Variants in HECTD4 observed in about 807,000 individuals in gnomAD.
HECTD4 encodes HECT domain E3 ubiquitin protein ligase 4, also known as probable E3 ubiquitin-protein ligase HECTD4.
In HECTD4, 114 loss-of-function variants were observed where a neutral mutation model predicts 471.5. That is an observed-to-expected ratio of 0.24 (90% CI 0.21 to 0.28). The LOEUF (loss-of-function observed/expected upper bound fraction) is 0.28, where lower values mean the gene tolerates loss of function less well. HECTD4 is among the 10% of genes least tolerant of loss of function. The probability of loss-of-function intolerance (pLI) is 1.00; values close to 1 mark genes in which losing one functional copy is unlikely to be tolerated. For missense variants in HECTD4, 3,866 were observed against 5,651.5 expected, an observed-to-expected ratio of 0.68 and a Z score of 10.13; for synonymous variants, 2,012 against 2,256.0, an observed-to-expected ratio of 0.89 and a Z score of 3.07.
chr12:112,307,720 CAA>C (rs2035293454), intron 6 of HECTD4, among the ~76,000 whole-genome samples: 1 of 152,300 alleles, frequency 6.6e-6, no homozygotes, highest in South Asian at 2.1e-4. Flanking sequence ...GAGTGACAAA[CAA>C]GAAGAAATGT....
chr12:112,208,747 T>G (rs1200535004), intron 50 of HECTD4, 117 bp from the exon 51 acceptor site: 3 of 765,556 alleles, frequency 3.9e-6, no homozygotes, highest in Admixed American at 3.6e-5. Flanking sequence ...AGACTCCTAG[T>G]ACACTGAGGA....
Position 112,162,651 on chromosome 12 carries a change from G to A in HECTD4, c.13121-128C>T. ...CCCAAGCCAATCCTGGGGCCCAGCA[G>A]GAGGGGGATGAGGGCCTGGGAACCT... On this transcript the variant is annotated intron_variant, in intron 75 of 75. Coordinates refer to ENST00000682272, the MANE Select transcript of HECTD4 (RefSeq NM_001388303.1). The surrounding 1 kb of genome is among the most constrained non-coding windows in gnomAD (Gnocchi z 5.2). 8.9e-7 allele frequency: 1 copy of A among 1,118,316 alleles called. No homozygotes were observed. The highest frequency in any genetic ancestry group is 1.3e-6 in the Non-Finnish European group (1 of 779,462). The allele number at this position is 1,118,316 out of a possible 1,614,324, so 69.3% of individuals were successfully genotyped here. A position where few individuals can be genotyped will look rare whatever the true frequency, so the allele number is the denominator to read the frequency against.
At chr12:112,339,324 TCA>T (rs1429046736) in intron 1 of HECTD4, among the ~76,000 whole-genome samples, 1 of 150,728 alleles carries the variant, frequency 6.6e-6, no homozygotes, top group Non-Finnish European at 1.5e-5. Flanking sequence ...AAAATGCAAG[TCA>T]CAAAAAAATA....
At chr12:112,226,232 C>T (rs1188282970) in intron 44 of HECTD4, among the ~76,000 whole-genome samples, 1 of 152,018 alleles carries the variant, frequency 6.6e-6, no homozygotes, top group Non-Finnish European at 1.5e-5. Context: ...CACACACACA[C>T]TCACACACAC....
At chr12:112,342,412 G>A (rs987932146) in intron 1 of HECTD4, among the ~76,000 whole-genome samples, 18 of 152,224 alleles carry the variant, frequency 1.2e-4, no homozygotes, top group African/African-American at 3.6e-4. Context: ...AGCAATGACC[G>A]TACCACTGCA....
In HECTD4 at chr12:112,259,213, G is replaced by A; in HGVS notation, c.2926C>T (p.Pro976Ser). 1.2e-6 allele frequency: 2 copies of A among 1,613,936 alleles called. No homozygotes were observed. The highest frequency in any genetic ancestry group is 1.7e-6 in the Non-Finnish European group (2 of 1,179,868). ...TKATMLGHLL[P>S]VLLTSLMHPN... ...TGCATCAAGGAGGTCAGTAACACTG[G>A]AAGAAGGTGACCAAGCATAGTAGCC... The change falls in exon 19 of 76, where the codon CCA (proline) becomes TCA (serine). Residue 976 changes from proline (P) to serine (S), a missense_variant. This residue lies in a region of HECTD4 where 525 missense variants were observed against 672.6 expected (regional missense o/e 0.78). Transcript: ENST00000682272.
rs2033913924 is a variant in HECTD4, at chr12:112,252,448, G to A, written c.3528C>T (p.Gly1176=). 1.2e-6 allele frequency: 2 copies of A among 1,609,408 alleles called. No individual in the cohort carries two copies. Among genetic ancestry groups the A allele is most frequent in the Non-Finnish European group, 1.7e-6 (2 of 1,178,416 alleles). ...EHNTPDKAMW[G]FACTVRAQES... ...CCTGAGCGCGAACTGTGCAAGCAAA[G>A]CCCCACATGGCTTTATCAGGAGTGT... Residue 1176 remains glycine, a synonymous_variant, in exon 23 of 76, where the codon GGC becomes GGT. Transcript: ENST00000682272.
At chr12:112,341,769 T>C (rs1047847758) in intron 1 of HECTD4, among the ~76,000 whole-genome samples, 5 of 152,130 alleles carry the variant, frequency 3.3e-5, no homozygotes, top group African/African-American at 1.2e-4. Flanking sequence ...AATCTAAGGA[T>C]AAACCACTAA....
intron 62 of HECTD4, among the ~76,000 whole-genome samples, chr12:112,180,802 G>A (rs990457801): frequency 4.6e-5 from 7 of 152,130 alleles, no homozygotes; most frequent in Non-Finnish European, 1.0e-4. Flanking sequence ...GGGGCAAAAC[G>A]CACGCCAATG....
At position 112,194,852 on chromosome 12, in the gene HECTD4, T is replaced by C. The variant is rs762402246; in HGVS notation, c.8749+33A>G. 9 of 1,582,264 alleles carry C rather than the reference T, an allele frequency of 5.7e-6. No individual in the cohort carries two copies. In the South Asian group the frequency reaches 1.0e-4, roughly 18 times the overall value. ...TGCACAGCGCCCGCCTGGTGCTAAG[T>C]TCCAGAGTGACAGCAGCAAAGCCAA... is the stretch of plus-strand genomic sequence containing the variant. On this transcript the variant is annotated intron_variant, in intron 56 of 75. Transcript: ENST00000682272. This position sits in a 1 kb window ranked among gnomAD's most constrained non-coding sequence, Gnocchi z 4.6.
chr12:112,378,985 T>C (rs1216422323), intron 1 of HECTD4, among the ~76,000 whole-genome samples: 3 of 151,748 alleles, frequency 2.0e-5, no homozygotes, highest in Non-Finnish European at 2.9e-5. Flanking sequence ...GAGCTTGCAG[T>C]GAGCTGAGAT....
At chr12:112,360,878 G>A (rs1202211691) in intron 1 of HECTD4, among the ~76,000 whole-genome samples, 1 of 151,902 alleles carries the variant, frequency 6.6e-6, no homozygotes, top group East Asian at 1.9e-4. Flanking sequence ...CAGTTACTTG[G>A]GAGGCTGAGG....
At chr12:112,272,639 C>G (rs936277289) in intron 11 of HECTD4, among the ~76,000 whole-genome samples, 1 of 152,152 alleles carries the variant, frequency 6.6e-6, no homozygotes, top group African/African-American at 2.4e-5. Flanking sequence ...CTGTCTTAGG[C>G]CTCTTCTGTG....
chr12:112,296,808 G>C (rs2035033981), intron 7 of HECTD4, among the ~76,000 whole-genome samples: 1 of 151,484 alleles, frequency 6.6e-6, no homozygotes. Flanking sequence ...AGAGGGTGTA[G>C]GTGCAGTGGA....
At position 112,162,941 on chromosome 12, in the gene HECTD4, T is replaced by C. The variant is rs2030748531; in HGVS notation, c.13120+101A>G. The C allele has an allele frequency of 8.3e-6, 8 of 968,786 alleles. No individual in the cohort carries two copies. The highest frequency in any genetic ancestry group is 1.1e-5 in the Non-Finnish European group (7 of 635,438). 60.0% of individuals were successfully genotyped at this position (968,786 alleles called of 1,614,324 possible). ...TCTGAGTTTTGGCACGTGGGGCTCC[T>C]GTTCATTGTTCTCCCTTCACATGGG... On this transcript the variant is annotated intron_variant, in intron 75 of 75. Transcript: ENST00000682272. The surrounding 1 kb of genome is among the most constrained non-coding windows in gnomAD (Gnocchi z 5.2).
chr12:112,300,407 T>C (rs557344212), intron 7 of HECTD4, among the ~76,000 whole-genome samples: 2 of 152,332 alleles, frequency 1.3e-5, no homozygotes, highest in East Asian at 1.9e-4. Context: ...AGGAATGCTA[T>C]TGGATAGCCT....
chr12:112,288,040 A>T (rs1010021163), intron 7 of HECTD4, among the ~76,000 whole-genome samples: 3 of 151,788 alleles, frequency 2.0e-5, no homozygotes, highest in Non-Finnish European at 2.9e-5. Context: ...TTAGAAAGCA[A>T]GTTGCTGGCC....
intron 13 of HECTD4, among the ~76,000 whole-genome samples, chr12:112,268,077 C>T (rs978237275): frequency 6.6e-6 from 1 of 152,188 alleles, no homozygotes; most frequent in Non-Finnish European, 1.5e-5. Flanking sequence ...CCTGCCATGG[C>T]CCCTCAAAGT....
chr12:112,263,080 T>A (rs59651973), intron 17 of HECTD4, among the ~76,000 whole-genome samples: 14,654 of 152,194 alleles, frequency 0.096, 1,884 homozygotes, highest in East Asian at 0.62. Flanking sequence ...GGCTTGTTGT[T>A]AATACAGCAA....
Sources: allele counts gnomAD v4.1 joint callset (sites outside exome capture counted in the v4.1 genomes callset), GRCh38; gene constraint gnomAD v4.1.1; regional missense constraint gnomAD v4.1.1; non-coding constraint Gnocchi (gnomAD v3.1); transcripts MANE v1.5; gene names NCBI Gene and HGNC (gene_info 2026-07-23, HGNC 2026-07-21).